Variants in SCN4A observed in about 807,000 individuals in gnomAD.
The protein encoded by SCN4A is sodium voltage-gated channel alpha subunit 4.
A neutral mutation model predicts 162.0 loss-of-function variants in SCN4A; 83 were observed. The ratio of observed to expected loss-of-function variants is 0.51; its 90% CI spans 0.43 to 0.61. The LOEUF is 0.61. Among genes scored for constraint, SCN4A ranks in the 20% least tolerant of loss-of-function variants. The pLI is 0.00. For synonymous variants in SCN4A, 944 were observed against 985.1 expected (o/e 0.96, Z 0.78); for missense variants, 2,196 against 2,462.5 (o/e 0.89, Z 2.29).
At position 63,950,647 on chromosome 17, in the gene SCN4A, G is replaced by A. The variant is rs558111486; in HGVS notation, c.2853+777C>T. The stretch of plus-strand genomic sequence containing the variant: ...AGGCTCAGGCTGATGGTGCAGGGGT[G>A]GGCAGGGGCCCTCGTCCTAGCTCCT... On this transcript the variant is annotated intron_variant, in intron 14 of 23. Transcript: ENST00000435607. This position sits in a 1 kb window ranked among gnomAD's most constrained non-coding sequence, Gnocchi z 4.6. 6.6e-6 allele frequency among the ~76,000 whole-genome samples: 1 copy of A among 152,338 alleles called. No individual in the cohort carries two copies. Among genetic ancestry groups the A allele is most frequent in the African/African-American group, 2.4e-5 (1 of 41,578 alleles).
intron 8 of SCN4A, 117 bp from the exon 9 acceptor site, chr17:63,964,794 G>T: frequency 2.6e-6 from 2 of 760,338 alleles, no homozygotes; most frequent in Non-Finnish European, 4.3e-6. Flanking sequence ...CCCTCACAGA[G>T]CCTGGGGGAC....
Position 63,945,175 on chromosome 17 carries a change from C to A in SCN4A, c.3721-115G>T. 8.9e-7 allele frequency: 1 copy of A among 1,122,464 alleles called. No homozygotes were observed. The highest frequency in any genetic ancestry group is 1.3e-6 in the Non-Finnish European group (1 of 762,272). The allele number at this position is 1,122,464 out of a possible 1,614,324, so 69.5% of individuals were successfully genotyped here. A position where few individuals can be genotyped will look rare whatever the true frequency, so the allele number is the denominator to read the frequency against. ...CCCTGCCAGAGGCCGCCTGCCAGAGCCCCACTGGGCTAGCATCAAATAAAG... is the reference window on the plus strand; with the variant it reads ...CCCTGCCAGAGGCCGCCTGCCAGAGACCCACTGGGCTAGCATCAAATAAAG... On this transcript the variant is annotated intron_variant, in intron 19 of 23. Coordinates refer to ENST00000435607, the MANE Select transcript of SCN4A (RefSeq NM_000334.4). The surrounding 1 kb of genome is among the most constrained non-coding windows in gnomAD (Gnocchi z 4.4).
intron 13 of SCN4A, among the ~76,000 whole-genome samples, chr17:63,955,536 C>T (rs544357997): frequency 5.9e-5 from 9 of 152,308 alleles, no homozygotes; most frequent in East Asian, 1.9e-4. Flanking sequence ...GGTTAAATAA[C>T]GGGCTCGAGG....
rs772304932 is a variant in SCN4A at position 63,951,492 on chromosome 17, C to T, written c.2785G>A (p.Glu929Lys). The T allele has an allele frequency of 3.7e-6, 6 of 1,613,622 alleles. No individual in the cohort carries two copies. The highest frequency in any genetic ancestry group is 2.2e-5 in the South Asian group (2 of 91,066). ...GTGGGCATCTCCAGGTCGGACTCCTCGGAGGCGATGGGCACCTGTATGGTC... is the reference window on the plus strand; with the variant it reads ...GTGGGCATCTCCAGGTCGGACTCCTTGGAGGCGATGGGCACCTGTATGGTC... ...YLTIQVPIAS[E>K]ESDLEMPTEE... The change falls in exon 14 of 24, where the codon GAG becomes AAG. Residue 929 changes from glutamate (E) to lysine (K), a missense_variant. Physicochemically the swap from Glu to Lys is moderately conservative, Grantham distance 56 (BLOSUM62 1). Transcript: ENST00000435607. The surrounding 1 kb of genome is among the most constrained non-coding windows in gnomAD (Gnocchi z 4.5).
Position 63,972,855 on chromosome 17 carries a change from G to T in SCN4A, c.-14C>A. 6.3e-7 allele frequency: 1 copy of T among 1,596,924 alleles called. No individual in the cohort carries two copies. Among genetic ancestry groups the T allele is most frequent in the Non-Finnish European group, 8.5e-7 (1 of 1,170,786 alleles). Reference sequence around the variant, plus strand: ...TGGTCTGGCCATCCTCGCATCCTGGGCTCAGAGACCAGAAGGGTGGTGGGT... The same window carrying T: ...TGGTCTGGCCATCCTCGCATCCTGGTCTCAGAGACCAGAAGGGTGGTGGGT... On this transcript the variant is annotated 5_prime_UTR_variant, in exon 1 of 24. Transcript: ENST00000435607. This position sits in a 1 kb window ranked among gnomAD's most constrained non-coding sequence, Gnocchi z 4.3.
rs375410916 is a variant in SCN4A, at chr17:63,959,205, C to T, written c.2019+60G>A. 419 of 1,499,298 alleles carry T rather than the reference C, an allele frequency of 2.8e-4. 3 individuals carry two copies. The African/African-American group carries it at 4.8e-3, about 17-fold the overall frequency. The allele number at this position is 1,499,298 out of a possible 1,614,324, so 92.9% of individuals were successfully genotyped here. A position where few individuals can be genotyped will look rare whatever the true frequency, so the allele number is the denominator to read the frequency against. On this transcript the variant is annotated intron_variant, in intron 12 of 23. Transcript: ENST00000435607. The stretch of plus-strand genomic sequence containing the variant: ...TTTCTCCTCCCATCCCTGTGCCCAC[C>T]CTCCTTAGTCTCCTCACCCCACCCC...
rs755379305 is a variant in SCN4A at position 63,957,364 on chromosome 17, C to T, written c.2174G>A (p.Ser725Asn). 4 of 1,614,018 alleles carry T rather than the reference C, an allele frequency of 2.5e-6. No individual in the cohort carries two copies. The highest frequency in any genetic ancestry group is 8.5e-7 in the Non-Finnish European group (1 of 1,179,974). The part of the protein sequence containing the change: ...AVVGMQLFGK[S>N]YKECVCKIAL... ...AATCTTGCACACGCACTCCTTGTAG[C>T]TCTTGCCAAACAGCTGCATGCCCAC... The change falls in exon 13 of 24, where the codon AGC becomes AAC. Residue 725 changes from serine to asparagine, a missense_variant. Coordinates refer to ENST00000435607, the MANE Select transcript of SCN4A (RefSeq NM_000334.4).
rs372555830 is a variant in SCN4A at position 63,949,424 on chromosome 17, C to G, written c.2958G>C (p.Glu986Asp). 7 of 1,595,622 alleles carry G rather than the reference C, an allele frequency of 4.4e-6. No homozygotes were observed. Among genetic ancestry groups the G allele is most frequent in the Middle Eastern group, 1.7e-4 (1 of 6,040 alleles). The part of the protein sequence containing the change: ...DPEEQAEENP[E>D]GEQPEECFTE... The stretch of plus-strand genomic sequence containing the variant: ...TGAAGCACTCCTCAGGCTGCTCCCC[C>G]TCGGGGTTCTCCTCTGCCTGCTCCT... The change falls in exon 15 of 24, where the codon GAG becomes GAC. Residue 986 changes from glutamate (E) to aspartate (D), a missense_variant. Physicochemically the swap from Glu to Asp is conservative, Grantham distance 45 (BLOSUM62 2). Coordinates refer to ENST00000435607, the MANE Select transcript of SCN4A (RefSeq NM_000334.4).
At chr17:63,949,563 C>T in intron 14 of SCN4A, 35 bp from the exon 15 acceptor site, 7 of 1,561,810 alleles carry the variant, frequency 4.5e-6, no homozygotes, top group Non-Finnish European at 6.1e-6. Context: ...ACATCTGGGT[C>T]CCTGAGAGAC....
In SCN4A at chr17:63,945,769, G is replaced by A. The variant is rs1314097190; in HGVS notation, c.3442-131C>T. On this transcript the variant is annotated intron_variant, in intron 18 of 23. Coordinates refer to ENST00000435607, the MANE Select transcript of SCN4A (RefSeq NM_000334.4). This position sits in a 1 kb window ranked among gnomAD's most constrained non-coding sequence, Gnocchi z 4.4. ...AGGGAGGGCTTCCTAGAGGAGGGCC[G>A]ACCTGCTGGGCTGTGTGTGTGCAGG... 8 of 667,344 alleles carry A rather than the reference G, an allele frequency of 1.2e-5. No homozygotes were observed. Among genetic ancestry groups the A allele is most frequent in the Admixed American group, 4.6e-5 (2 of 43,662 alleles). 41.3% of individuals were successfully genotyped at this position (667,344 alleles called of 1,614,324 possible).
At position 63,948,593 on chromosome 17, in the gene SCN4A, C is replaced by T; in HGVS notation, c.3144+18G>A. On this transcript the variant is annotated intron_variant, in intron 16 of 23. Transcript: ENST00000435607. ...GCCTGGCCCCTGCCCCTGACCCGTG[C>T]TCCCAGGCAGTGCCTACCAGAGCCC... 3 of 1,609,372 alleles carry T rather than the reference C, an allele frequency of 1.9e-6. No homozygotes were observed. Among genetic ancestry groups the T allele is most frequent in the Non-Finnish European group, 2.5e-6 (3 of 1,177,124 alleles).
chr17:63,947,054 C>G lies in SCN4A; in HGVS notation c.3432G>C (p.Glu1144Asp). ...LRPLRALSRF[E>D]GMRVVVNALL... ...CCCCTTCAGCACCCACCCTCATGCCCTCGAATCGGGACAGTGCCCTCAGGG... is the reference window on the plus strand; with the variant it reads ...CCCCTTCAGCACCCACCCTCATGCCGTCGAATCGGGACAGTGCCCTCAGGG... The change falls in exon 18 of 24, where the codon GAG becomes GAC. Residue 1144 changes from glutamate (E) to aspartate (D), a missense_variant. Transcript: ENST00000435607. The G allele has an allele frequency of 6.2e-7, 1 of 1,612,912 alleles. No homozygotes were observed. Among genetic ancestry groups the G allele is most frequent in the East Asian group, 2.2e-5 (1 of 44,872 alleles).
Position 63,959,443 on chromosome 17 carries a change from G to T in SCN4A, c.1846-5C>A, listed in dbSNP as rs751003513. On this transcript the variant is annotated splice_polypyrimidine_tract_variant and splice_region_variant and intron_variant, in intron 11 of 23. Transcript: ENST00000435607. ...TGTGAAGATGCCTGTGAAGACCTAG[G>T]GGGTGGCATGAGGCCCTGTCACAGA... 6.2e-6 allele frequency: 10 copies of T among 1,612,610 alleles called. No individual in the cohort carries two copies. In the South Asian group the frequency reaches 1.1e-4, roughly 18 times the overall value.
At chr17:63,958,187 T>C (rs1344837564) in intron 12 of SCN4A, among the ~76,000 whole-genome samples, 1 of 151,822 alleles carries the variant, frequency 6.6e-6, no homozygotes, top group Admixed American at 6.6e-5. Context: ...CTGGGCAACA[T>C]GGCGAAACCC....
chr17:63,964,766 T>C, intron 8 of SCN4A, 89 bp from the exon 9 acceptor site: 8 of 1,034,814 alleles, frequency 7.7e-6, no homozygotes, highest in African/African-American at 4.7e-5. Flanking sequence ...ATTGCCCGCA[T>C]GGGTAAGCAG....
At chr17:63,967,891 C>A (rs954075798) in intron 6 of SCN4A, 132 bp downstream of exon 6, 4 of 782,702 alleles carry the variant, frequency 5.1e-6, no homozygotes, top group Non-Finnish European at 8.3e-6. Context: ...TGAGATGGCA[C>A]CTTTGCACTC....
chr17:63,972,373 GC>G lies in SCN4A; in HGVS notation c.370del (p.Ala124ProfsTer15). The G allele has an allele frequency of 1.2e-6, 2 of 1,613,876 alleles. No individual in the cohort carries two copies. ...LSPFSVVRRG[A>X]IKVLIHALFS... Reference sequence around the variant, plus strand: ...ATATGCATGGATGAGCACCTTGATGGCCCCGCGCCTGACTACGCTGAAGGGG... The same window carrying G: ...ATATGCATGGATGAGCACCTTGATGGCCCGCGCCTGACTACGCTGAAGGGG... On this transcript the variant is annotated frameshift_variant, in exon 2 of 24. Coordinates refer to ENST00000435607, the MANE Select transcript of SCN4A (RefSeq NM_000334.4). LOFTEE classifies it high-confidence loss of function. This position sits in a 1 kb window ranked among gnomAD's most constrained non-coding sequence, Gnocchi z 4.3.
chr17:63,951,905 G>A lies in SCN4A; in HGVS notation c.2377-5C>T, dbSNP rs560170181. The A allele has an allele frequency of 5.3e-6, 8 of 1,512,086 alleles. No homozygotes were observed. The African/African-American group carries it at 8.2e-5, about 16-fold the overall frequency. 93.7% of individuals were successfully genotyped at this position (1,512,086 alleles called of 1,614,324 possible). On this transcript the variant is annotated splice_region_variant and splice_polypyrimidine_tract_variant and intron_variant, in intron 13 of 23. Transcript: ENST00000435607. This position sits in a 1 kb window ranked among gnomAD's most constrained non-coding sequence, Gnocchi z 4.5. The stretch of plus-strand genomic sequence containing the variant: ...AGCCAGGAACAGGTTCAGGACCTGG[G>A]GCATGGGGTCAGGGGGAGCCTCACA...
intron 12 of SCN4A, 114 bp from the exon 13 acceptor site, chr17:63,957,632 C>A (rs971265145): frequency 2.4e-5 from 16 of 668,518 alleles, no homozygotes; most frequent in Non-Finnish European, 3.9e-5. Flanking sequence ...CCCCCCACAC[C>A]ATCTGAGTCC....
Sources: allele counts gnomAD v4.1 joint callset (sites outside exome capture counted in the v4.1 genomes callset), GRCh38; gene constraint gnomAD v4.1.1; non-coding constraint Gnocchi (gnomAD v3.1); transcripts MANE v1.5; gene names NCBI Gene and HGNC (gene_info 2026-07-23, HGNC 2026-07-21).